The following RGS6 variants were observed in gnomAD, a reference collection of about 807,000 sequenced individuals.
The protein encoded by RGS6 is regulator of G protein signaling 6, also known as regulator of G-protein signaling 6.
In RGS6, 30 loss-of-function variants were observed where a neutral mutation model predicts 78.5. The ratio of observed to expected loss-of-function variants is 0.38; its 90% CI spans 0.29 to 0.52. The LOEUF (loss-of-function observed/expected upper bound fraction) is 0.52. Among genes scored for constraint, RGS6 ranks in the 20% least tolerant of loss-of-function variants. The pLI is 0.85. For missense variants in RGS6, 495 were observed against 609.7 expected (o/e 0.81, Z 1.98); for synonymous variants, 206 against 206.0 (o/e 1.00, Z 0.00).
intron 2 of RGS6, among the ~76,000 whole-genome samples, chr14:72,135,721 G>T (rs1378905268): frequency 3.3e-5 from 5 of 152,054 alleles, no homozygotes; most frequent in Non-Finnish European, 5.9e-5. Context: ...ATTCAGAGAG[G>T]AGTGAAAAAT....
At chr14:72,600,753 A>G in the RGS6 span, among the ~76,000 whole-genome samples, 3 of 152,052 alleles carry the variant, frequency 2.0e-5, no homozygotes, top group Admixed American at 6.6e-5. Flanking sequence ...TGGGCCGGAG[A>G]CACCAAGGGA....
At chr14:72,629,447 G>A in the RGS6 span, among the ~76,000 whole-genome samples, 1 of 152,218 alleles carries the variant, frequency 6.6e-6, no homozygotes, top group Non-Finnish European at 1.5e-5. Flanking sequence ...CCTGCCATAA[G>A]CAGTGTTGAC....
chr14:72,184,421 G>T (rs1225717462), intron 2 of RGS6, among the ~76,000 whole-genome samples: 4 of 139,212 alleles, frequency 2.9e-5, no homozygotes, highest in Non-Finnish European at 6.3e-5. Flanking sequence ...CAGAAAGAGG[G>T]AGAGAAAGAG....
chr14:72,265,499 T>G (rs762800406), intron 2 of RGS6, among the ~76,000 whole-genome samples: 3 of 152,304 alleles, frequency 2.0e-5, no homozygotes, highest in African/African-American at 7.2e-5. Context: ...TTTGTCTGTT[T>G]TTAAGTGACA....
chr14:72,376,686 T>G (rs2084806350), intron 3 of RGS6, among the ~76,000 whole-genome samples: 1 of 151,940 alleles, frequency 6.6e-6, no homozygotes, highest in African/African-American at 2.4e-5. Context: ...GTCAAAGTAG[T>G]GAAAGAAAAA....
rs185141725 is a variant in RGS6, at chr14:72,250,655, A to C, written c.85-101440A>C. ...CACCTATAAACTCAAGAAAAAGCCC[A>C]TGTCTGAGAGATTGAATTGGAATTT... is the stretch of plus-strand genomic sequence containing the variant. On this transcript the variant is annotated intron_variant, in intron 2 of 17. Coordinates refer to ENST00000553525, the MANE Select transcript of RGS6 (RefSeq NM_001204424.2). 7.9e-5 allele frequency among the ~76,000 whole-genome samples: 12 copies of C among 152,346 alleles called. No homozygotes were observed. In the East Asian group the frequency reaches 1.9e-3, roughly 24 times the overall value.
chr14:72,176,996 T>G (rs1294003432), intron 2 of RGS6, among the ~76,000 whole-genome samples: 1 of 152,232 alleles, frequency 6.6e-6, no homozygotes, highest in Admixed American at 6.5e-5. Flanking sequence ...ATATGTGTAC[T>G]TTTTTGTGTC....
rs34627833 is a variant in RGS6, at chr14:72,302,681, T to TACAC, written c.85-49393_85-49390dup. Among the ~76,000 whole-genome samples, 1,147 of 147,844 alleles carry TACAC rather than the reference T, an allele frequency of 7.8e-3. 16 individuals carry two copies. Among genetic ancestry groups the TACAC allele is most frequent in the African/African-American group, 0.024 (966 of 40,654 alleles). On this transcript the variant is annotated intron_variant, in intron 2 of 17. Coordinates refer to ENST00000553525, the MANE Select transcript of RGS6 (RefSeq NM_001204424.2). ...GAGGCCCCCAACACACACATACACA[T>TACAC]ACACACACACACACACACACACACG... is the stretch of plus-strand genomic sequence containing the variant.
intron 3 of RGS6, among the ~76,000 whole-genome samples, chr14:72,371,662 G>T (rs2152837324): frequency 6.6e-6 from 1 of 152,304 alleles, no homozygotes; most frequent in Admixed American, 6.5e-5. Flanking sequence ...TCAGGAGGCT[G>T]AAGCAGGAGA....
intron 2 of RGS6, among the ~76,000 whole-genome samples, chr14:72,341,689 A>G (rs1158679415): frequency 2.0e-5 from 3 of 152,202 alleles, no homozygotes; most frequent in East Asian, 1.9e-4. Flanking sequence ...CTTGAATTCC[A>G]TAGTAGGGAA....
intron 2 of RGS6, among the ~76,000 whole-genome samples, chr14:72,216,239 G>A (rs942486523): frequency 3.3e-5 from 5 of 152,210 alleles, no homozygotes; most frequent in African/African-American, 9.7e-5. Flanking sequence ...ACTTGGTAAG[G>A]CTCAGGCCTC....
chr14:72,544,761 C>A (rs908405037), intron 17 of RGS6, among the ~76,000 whole-genome samples: 1 of 152,202 alleles, frequency 6.6e-6, no homozygotes, highest in Admixed American at 6.5e-5. Flanking sequence ...CTCCTTCCAT[C>A]CCCCTGTTCC....
intron 2 of RGS6, among the ~76,000 whole-genome samples, chr14:72,095,602 T>G (rs1053251574): frequency 1.3e-5 from 2 of 152,090 alleles, no homozygotes; most frequent in African/African-American, 4.8e-5. Context: ...GTTCAGAAAA[T>G]TGGGTATTTC....
At chr14:72,528,300 G>A (rs984638634) in intron 15 of RGS6, among the ~76,000 whole-genome samples, 1 of 152,208 alleles carries the variant, frequency 6.6e-6, no homozygotes. Flanking sequence ...ATTCTAGTTG[G>A]TTTTGATCCT....
At chr14:71,951,733 A>G (rs1232373959) in intron 1 of RGS6, among the ~76,000 whole-genome samples, 4 of 152,202 alleles carry the variant, frequency 2.6e-5, no homozygotes, top group Non-Finnish European at 5.9e-5. Context: ...ATCCATTAAT[A>G]TGGAATATCC....
the RGS6 span, among the ~76,000 whole-genome samples, chr14:71,877,299 C>G: frequency 5.3e-5 from 8 of 152,228 alleles, no homozygotes; most frequent in African/African-American, 1.9e-4. Flanking sequence ...CTCCCCGTCA[C>G]TTTCAGGTAC....
At chr14:72,018,830 C>A (rs1468471700) in intron 2 of RGS6, among the ~76,000 whole-genome samples, 1 of 152,192 alleles carries the variant, frequency 6.6e-6, no homozygotes, top group Middle Eastern at 3.2e-3. Flanking sequence ...TTTATGCTTG[C>A]TTCTGGTTTT....
At chr14:71,893,373 T>C in the RGS6 span, among the ~76,000 whole-genome samples, 1 of 152,226 alleles carries the variant, frequency 6.6e-6, no homozygotes, top group Admixed American at 6.5e-5. Flanking sequence ...ACCTTCTCTC[T>C]AGGATTTTGA....
chr14:72,614,060 C>T, the RGS6 span, among the ~76,000 whole-genome samples: 6 of 152,308 alleles, frequency 3.9e-5, no homozygotes, highest in Admixed American at 2.0e-4. Context: ...CCAAGACCCA[C>T]CACCAGCTGC....
Sources: gnomAD v4.1 joint callset for allele counts (sites outside exome capture counted in the v4.1 genomes callset) on GRCh38, gnomAD v4.1.1 for gene constraint, MANE v1.5 for transcripts, NCBI Gene and HGNC (gene_info 2026-07-23, HGNC 2026-07-21) for gene names.